SDK1: variants seen among roughly 807,000 people sequenced by gnomAD.
SDK1 encodes the protein sidekick cell adhesion molecule 1.
SDK1 carries 157 observed loss-of-function variants against 245.5 expected under a neutral mutation model. That is an observed-to-expected ratio of 0.64 (90% CI 0.56 to 0.73). SDK1 has a LOEUF of 0.73. Among genes scored for constraint, SDK1 ranks in the 30% least tolerant of loss-of-function variants. The probability of loss-of-function intolerance (pLI) is 0.00; values close to 1 mark genes in which losing one functional copy is unlikely to be tolerated. For synonymous variants in SDK1, 1,647 were observed against 1,278.5 expected, an observed-to-expected ratio of 1.29 and a Z score of -6.15; for missense variants, 3,583 against 3,002.3, an observed-to-expected ratio of 1.19 and a Z score of -4.52.
At chr7:3,691,299 T>G (rs1379350162) in intron 4 of SDK1, among the ~76,000 whole-genome samples, 1 of 152,226 alleles carries the variant, frequency 6.6e-6, no homozygotes, top group Non-Finnish European at 1.5e-5. Flanking sequence ...AAATGTCTTA[T>G]GTTGATAGGA....
At chr7:4,003,348 G>A (rs531463288) in intron 14 of SDK1, among the ~76,000 whole-genome samples, 2 of 152,320 alleles carry the variant, frequency 1.3e-5, no homozygotes, top group East Asian at 3.9e-4. Context: ...CTGTTTCAAA[G>A]ATGGACCCGC....
At chr7:4,079,962 T>C (rs1780949995) in intron 22 of SDK1, among the ~76,000 whole-genome samples, 1 of 152,224 alleles carries the variant, frequency 6.6e-6, no homozygotes, top group Non-Finnish European at 1.5e-5. Flanking sequence ...TAGCTATGCA[T>C]TCATTCAACA....
chr7:3,724,831 C>T (rs558456798), intron 4 of SDK1, among the ~76,000 whole-genome samples: 2 of 152,318 alleles, frequency 1.3e-5, no homozygotes, highest in Admixed American at 6.5e-5. Flanking sequence ...CCAGAAGCAT[C>T]CCATGTCATT....
intron 14 of SDK1, among the ~76,000 whole-genome samples, chr7:3,992,768 G>C (rs1171610570): frequency 6.6e-6 from 1 of 152,134 alleles, no homozygotes; most frequent in Non-Finnish European, 1.5e-5. Flanking sequence ...TATCTGATTC[G>C]ATAGGGACCC....
intron 5 of SDK1, among the ~76,000 whole-genome samples, chr7:3,882,166 G>A (rs562377521): frequency 6.6e-6 from 1 of 152,116 alleles, no homozygotes; most frequent in African/African-American, 2.4e-5. Flanking sequence ...AGAACAGTAT[G>A]GGGGAAACTG....
chr7:3,477,068 C>A lies in SDK1; in HGVS notation c.299-142012C>A, dbSNP rs1781366879. Among the ~76,000 whole-genome samples, 4 of 152,094 alleles carry A rather than the reference C, an allele frequency of 2.6e-5. 1 individual carries two copies. The South Asian group carries it at 8.3e-4, about 31-fold the overall frequency. On this transcript the variant is annotated intron_variant, in intron 1 of 44. Transcript: ENST00000404826. ...ACTGATCAAATGAGTCTGATTGTGA[C>A]CTTCCTCTGTACTTTGGAATTACAT...
At chr7:3,571,863 T>C (rs1420691560) in intron 1 of SDK1, among the ~76,000 whole-genome samples, 1 of 152,078 alleles carries the variant, frequency 6.6e-6, no homozygotes, top group East Asian at 1.9e-4. Context: ...CTATCTGTAT[T>C]TTAAAAGCTA....
chr7:3,750,800 A>G (rs765062384), intron 4 of SDK1, among the ~76,000 whole-genome samples: 12 of 152,228 alleles, frequency 7.9e-5, no homozygotes, highest in Non-Finnish European at 8.8e-5. Context: ...ATGAAATCTG[A>G]TAGAGACAAA....
chr7:3,479,428 A>G (rs1403398813), intron 1 of SDK1, among the ~76,000 whole-genome samples: 1 of 151,284 alleles, frequency 6.6e-6, no homozygotes, highest in African/African-American at 2.4e-5. Flanking sequence ...TCTCAAAAAA[A>G]AAAAAAAAAA....
chr7:3,692,742 G>A (rs1035735979), intron 4 of SDK1, among the ~76,000 whole-genome samples: 1 of 151,846 alleles, frequency 6.6e-6, no homozygotes, highest in East Asian at 1.9e-4. Flanking sequence ...TATACTCTTT[G>A]ATCTATTCAA....
At chr7:3,347,242 G>A (rs1297850816) in intron 1 of SDK1, among the ~76,000 whole-genome samples, 1 of 151,698 alleles carries the variant, frequency 6.6e-6, no homozygotes, top group Non-Finnish European at 1.5e-5. Context: ...TATTCTTTTA[G>A]CAATTTTGTA....
At chr7:4,023,039 G>A (rs1207268355) in intron 17 of SDK1, among the ~76,000 whole-genome samples, 1 of 152,102 alleles carries the variant, frequency 6.6e-6, no homozygotes, top group Non-Finnish European at 1.5e-5. Context: ...CTCCCAAAGT[G>A]CTGGGATTAC....
chr7:3,632,844 T>A (rs1473640381), intron 2 of SDK1, among the ~76,000 whole-genome samples: 2 of 152,210 alleles, frequency 1.3e-5, no homozygotes, highest in South Asian at 4.1e-4. Flanking sequence ...ATTGTCCTTG[T>A]GTTTTTCTGA....
At chr7:4,171,754 G>A (rs74776394) in intron 32 of SDK1, among the ~76,000 whole-genome samples, 4,629 of 152,372 alleles carry the variant, frequency 0.03, 130 homozygotes, top group African/African-American at 0.076. Context: ...AGAATTTGGA[G>A]CTAGATGCCG....
intron 35 of SDK1, among the ~76,000 whole-genome samples, chr7:4,197,970 C>T (rs973967476): frequency 1.3e-5 from 2 of 152,188 alleles, no homozygotes; most frequent in Non-Finnish European, 1.5e-5. Context: ...GAGGGTCCTC[C>T]AGGAATGCTC....
At chr7:3,432,072 T>G (rs1459075883) in intron 1 of SDK1, among the ~76,000 whole-genome samples, 1 of 150,938 alleles carries the variant, frequency 6.6e-6, no homozygotes, top group Non-Finnish European at 1.5e-5. Flanking sequence ...TCAGTCAGTC[T>G]GTGTGAAATA....
chr7:4,137,034 T>C (rs1391574039), intron 28 of SDK1, among the ~76,000 whole-genome samples: 1 of 152,180 alleles, frequency 6.6e-6, no homozygotes, highest in African/African-American at 2.4e-5. Flanking sequence ...CCCCAGATGG[T>C]CGTGCTTTGG....
chr7:3,627,700 C>T (rs996811585), intron 2 of SDK1, among the ~76,000 whole-genome samples: 15 of 152,152 alleles, frequency 9.9e-5, no homozygotes, highest in Non-Finnish European at 8.8e-5. Flanking sequence ...AGCCTCAGTC[C>T]TTGCCAACAT....
chr7:4,223,343 C>T (rs1001936332), intron 40 of SDK1, among the ~76,000 whole-genome samples: 1 of 152,236 alleles, frequency 6.6e-6, no homozygotes, highest in Non-Finnish European at 1.5e-5. Context: ...GCTGCCTTAG[C>T]AAAGTCCCAC....
Sources: gnomAD v4.1 joint callset for allele counts (sites outside exome capture counted in the v4.1 genomes callset) on GRCh38, gnomAD v4.1.1 for gene constraint, MANE v1.5 for transcripts, NCBI Gene and HGNC (gene_info 2026-07-23, HGNC 2026-07-21) for gene names.